The following KCNIP4 variants were observed in gnomAD, a reference collection of about 807,000 sequenced individuals.
KCNIP4 encodes potassium voltage-gated channel interacting protein 4.
In KCNIP4, 12 loss-of-function variants were observed where a neutral mutation model predicts 34.0. That is an observed-to-expected ratio of 0.35 (90% CI 0.23 to 0.57). The LOEUF is 0.57. Among genes scored for constraint, KCNIP4 ranks in the 20% least tolerant of loss-of-function variants. KCNIP4 has a pLI of 0.83. For synonymous variants in KCNIP4, 124 were observed against 102.2 expected (o/e 1.21, Z -1.29); for missense variants, 238 against 311.7 (o/e 0.76, Z 1.78).
intron 1 of KCNIP4, among the ~76,000 whole-genome samples, chr4:20,964,354 G>A (rs1277352163): frequency 6.6e-6 from 1 of 152,190 alleles, no homozygotes; most frequent in Non-Finnish European, 1.5e-5. Context: ...ATTTTGACAT[G>A]AAGTTAAAAA....
At chr4:21,345,861 C>G (rs140992844) in intron 1 of KCNIP4, among the ~76,000 whole-genome samples, 1 of 151,476 alleles carries the variant, frequency 6.6e-6, no homozygotes, top group Non-Finnish European at 1.5e-5. Flanking sequence ...AAGCCCATTA[C>G]GCTCCTAATA....
At chr4:20,970,063 T>C (rs1198044438) in intron 1 of KCNIP4, among the ~76,000 whole-genome samples, 2 of 151,798 alleles carry the variant, frequency 1.3e-5, no homozygotes, top group Non-Finnish European at 1.5e-5. Flanking sequence ...TGCCTCAGCC[T>C]CCCAAGTAGC....
At chr4:21,696,057 A>G (rs192379800) in intron 1 of KCNIP4, among the ~76,000 whole-genome samples, 1 of 152,244 alleles carries the variant, frequency 6.6e-6, no homozygotes, top group Non-Finnish European at 1.5e-5. Flanking sequence ...TTATTCCTTA[A>G]AGAATATCCA....
intron 1 of KCNIP4, among the ~76,000 whole-genome samples, chr4:21,885,677 T>C (rs1044115941): frequency 6.6e-6 from 1 of 152,168 alleles, no homozygotes; most frequent in African/African-American, 2.4e-5. Context: ...CAAAGGAAAT[T>C]TGAACGTGTT....
intron 1 of KCNIP4, among the ~76,000 whole-genome samples, chr4:20,882,942 G>C (rs1476083236): frequency 2.0e-5 from 3 of 150,722 alleles, no homozygotes; most frequent in Non-Finnish European, 4.4e-5. Context: ...ACAAGTGAAA[G>C]CAGAATCGTA....
At chr4:21,667,227 G>A (rs570145539) in intron 1 of KCNIP4, among the ~76,000 whole-genome samples, 2 of 152,238 alleles carry the variant, frequency 1.3e-5, no homozygotes, top group African/African-American at 2.4e-5. Flanking sequence ...GGAAAATTCC[G>A]GCTCATCTCA....
intron 1 of KCNIP4, among the ~76,000 whole-genome samples, chr4:20,888,622 A>G (rs1245162379): frequency 1.3e-5 from 2 of 151,892 alleles, no homozygotes; most frequent in Non-Finnish European, 2.9e-5. Context: ...GAGACTAAAC[A>G]CTCTTTGTTT....
intron 1 of KCNIP4, among the ~76,000 whole-genome samples, chr4:21,153,982 T>TA (rs376910229): frequency 0.03 from 4,420 of 146,784 alleles, 238 homozygotes; most frequent in African/African-American, 0.1. Flanking sequence ...AGTTAGTAGT[T>TA]AAAAAAAAAA....
intron 3 of KCNIP4, among the ~76,000 whole-genome samples, chr4:20,846,348 G>A (rs1387057038): frequency 2.0e-5 from 3 of 152,106 alleles, no homozygotes; most frequent in Admixed American, 6.6e-5. Flanking sequence ...AGCAGCATTG[G>A]CATCACTATA....
intron 1 of KCNIP4, among the ~76,000 whole-genome samples, chr4:21,521,245 T>C (rs1425443260): frequency 6.6e-6 from 1 of 152,150 alleles, no homozygotes; most frequent in African/African-American, 2.4e-5. Flanking sequence ...CTAAGAACTG[T>C]TCCATGTAAT....
At chr4:21,648,019 G>A (rs1158569809) in intron 1 of KCNIP4, among the ~76,000 whole-genome samples, 3 of 151,374 alleles carry the variant, frequency 2.0e-5, no homozygotes, top group Non-Finnish European at 2.9e-5. Context: ...GACTACAGAC[G>A]CTCGCCACCA....
At chr4:21,210,359 G>T (rs750041538) in intron 1 of KCNIP4, among the ~76,000 whole-genome samples, 1 of 152,124 alleles carries the variant, frequency 6.6e-6, no homozygotes, top group Non-Finnish European at 1.5e-5. Context: ...GAGATTTTCT[G>T]TCATCAAATT....
At chr4:21,450,955 TGAG>T (rs1728464147) in intron 1 of KCNIP4, among the ~76,000 whole-genome samples, 1 of 152,126 alleles carries the variant, frequency 6.6e-6, no homozygotes, top group Non-Finnish European at 1.5e-5. Flanking sequence ...TTATGAGAAT[TGAG>T]GGCATTAAAC....
chr4:20,999,529 C>G (rs531607801), intron 1 of KCNIP4, among the ~76,000 whole-genome samples: 2 of 145,456 alleles, frequency 1.4e-5, no homozygotes, highest in African/African-American at 2.5e-5. Context: ...TCCTTCAGAA[C>G]GATCACCGTG....
chr4:21,173,483 T>C (rs762603726), intron 1 of KCNIP4, among the ~76,000 whole-genome samples: 7 of 152,102 alleles, frequency 4.6e-5, no homozygotes, highest in Non-Finnish European at 8.8e-5. Context: ...AAGGCTCCCT[T>C]CCGGGTGCGG....
intron 1 of KCNIP4, among the ~76,000 whole-genome samples, chr4:21,503,165 G>A (rs1453588924): frequency 6.6e-6 from 1 of 152,046 alleles, no homozygotes; most frequent in African/African-American, 2.4e-5. Flanking sequence ...GAATAATTAA[G>A]GCAAAATGAA....
intron 1 of KCNIP4, among the ~76,000 whole-genome samples, chr4:21,665,785 A>C (rs925129825): frequency 1.3e-5 from 2 of 152,208 alleles, no homozygotes; most frequent in Non-Finnish European, 2.9e-5. Context: ...TGCTGGATAC[A>C]GAATTCTCTC....
intron 1 of KCNIP4, among the ~76,000 whole-genome samples, chr4:21,467,159 C>T (rs1481942408): frequency 6.6e-6 from 1 of 150,720 alleles, no homozygotes; most frequent in Non-Finnish European, 1.5e-5. Context: ...AACAACTTTT[C>T]TTCTGGGTTT....
At chr4:21,938,167 T>A (rs1449999957) in intron 1 of KCNIP4, among the ~76,000 whole-genome samples, 3 of 152,136 alleles carry the variant, frequency 2.0e-5, no homozygotes, top group African/African-American at 7.2e-5. Context: ...AAAAATTCAT[T>A]CTCATTCTCC....
Sources: allele counts gnomAD v4.1 joint callset (sites outside exome capture counted in the v4.1 genomes callset), GRCh38; gene constraint gnomAD v4.1.1; transcripts MANE v1.5; gene names NCBI Gene and HGNC (gene_info 2026-07-23, HGNC 2026-07-21).